Variants in ZSWIM6 observed in about 807,000 individuals in gnomAD.
The protein encoded by ZSWIM6 is zinc finger SWIM domain-containing protein 6.
ZSWIM6 carries 9 observed loss-of-function variants against 113.2 expected under a neutral mutation model. That is an observed-to-expected ratio of 0.08 (90% CI 0.05 to 0.14). The LOEUF (loss-of-function observed/expected upper bound fraction) is 0.14, where lower values mean the gene tolerates loss of function less well. ZSWIM6 is among the 10% of genes least tolerant of loss of function. The pLI, the probability that ZSWIM6 is intolerant of heterozygous loss-of-function variation, is 1.00. For missense variants in ZSWIM6, 1,162 were observed against 1,552.2 expected, an observed-to-expected ratio of 0.75 and a Z score of 4.22; for synonymous variants, 611 against 606.5, an observed-to-expected ratio of 1.01 and a Z score of -0.11.
chr5:61,345,761 GC>G (rs1419309301), intron 1 of ZSWIM6, among the ~76,000 whole-genome samples: 1 of 152,062 alleles, frequency 6.6e-6, no homozygotes, highest in Non-Finnish European at 1.5e-5. Flanking sequence ...AAACTAATTG[GC>G]CCAAATAACT....
Position 61,530,260 on chromosome 5 carries a change from C to A in ZSWIM6, c.1984+62C>A, listed in dbSNP as rs1032009845. ...TTTCTAAACCCTGAATGGCAGTAGT[C>A]ATTGTTTTTCTTTACATTATGTTTT... On this transcript the variant is annotated intron_variant, in intron 8 of 13. Transcript: ENST00000252744. 4 of 1,442,796 alleles carry A rather than the reference C, an allele frequency of 2.8e-6. No homozygotes were observed. The African/African-American group carries it at 4.3e-5, about 15-fold the overall frequency. The allele number at this position is 1,442,796 out of a possible 1,614,324, so 89.4% of individuals were successfully genotyped here.
chr5:61,536,544 C>T (rs1467605326), intron 10 of ZSWIM6, among the ~76,000 whole-genome samples: 14 of 152,216 alleles, frequency 9.2e-5, no homozygotes, highest in Admixed American at 6.5e-4. Flanking sequence ...ACAGTTTGAT[C>T]TCAAGAAGCT....
intron 7 of ZSWIM6, 59 bp from the exon 8 acceptor site, chr5:61,529,993 C>G: frequency 7.0e-7 from 1 of 1,425,040 alleles, no homozygotes; most frequent in Non-Finnish European, 9.4e-7. Context: ...GTTTTCCCCA[C>G]TTCTTTCCCT....
At chr5:61,501,013 C>T (rs1748451338) in intron 4 of ZSWIM6, among the ~76,000 whole-genome samples, 1 of 152,158 alleles carries the variant, frequency 6.6e-6, no homozygotes, top group Non-Finnish European at 1.5e-5. Flanking sequence ...GTTTCTGCTT[C>T]TCTCTGCCTT....
In ZSWIM6 at chr5:61,544,876, G is replaced by A. The variant is rs915075569; in HGVS notation, c.*559G>A. On this transcript the variant is annotated 3_prime_UTR_variant, in exon 14 of 14. Transcript: ENST00000252744. ...CAGAAGCATGGCACACGATGCTTGT[G>A]CATGTGGAAACTTAGCGACTGTCAA... is the stretch of plus-strand genomic sequence containing the variant. The A allele has an allele frequency of 5.9e-5, 9 of 152,076 alleles. No individual in the cohort carries two copies. The highest frequency in any genetic ancestry group is 1.9e-4 in the African/African-American group (8 of 41,400). The allele number at this position is 152,076 out of a possible 1,614,324, so 9.4% of individuals were successfully genotyped here.
intron 1 of ZSWIM6, among the ~76,000 whole-genome samples, chr5:61,389,534 G>A (rs912920655): frequency 8.3e-6 from 1 of 120,302 alleles, no homozygotes; most frequent in African/African-American, 3.3e-5. Context: ...GAGCCCAGGC[G>A]ACAGTGCAAG....
At chr5:61,467,513 G>C (rs1205663665) in intron 1 of ZSWIM6, among the ~76,000 whole-genome samples, 2 of 152,204 alleles carry the variant, frequency 1.3e-5, no homozygotes, top group African/African-American at 4.8e-5. Context: ...GATTTTAAAG[G>C]GTTAATAATG....
At position 61,419,778 on chromosome 5, in the gene ZSWIM6, T is replaced by C. The variant is rs182446528; in HGVS notation, c.677-52903T>C. On this transcript the variant is annotated intron_variant, in intron 1 of 13. Coordinates refer to ENST00000252744, the MANE Select transcript of ZSWIM6 (RefSeq NM_020928.2). ...CTGAGGGATGTGCCCTTCAGGACAA[T>C]GGTAGTTTGTGGCCCTTGCCTTCTG... Among the ~76,000 whole-genome samples, 354 of 152,294 alleles carry C rather than the reference T, an allele frequency of 2.3e-3. 2 individuals are homozygous for C. Among genetic ancestry groups the C allele is most frequent in the African/African-American group, 6.5e-3 (271 of 41,562 alleles).
At chr5:61,498,314 T>A (rs535126337) in intron 4 of ZSWIM6, among the ~76,000 whole-genome samples, 4 of 152,326 alleles carry the variant, frequency 2.6e-5, no homozygotes, top group Non-Finnish European at 5.9e-5. Flanking sequence ...ATATAAATCC[T>A]GTTTCTTAGG....
intron 2 of ZSWIM6, among the ~76,000 whole-genome samples, chr5:61,488,878 G>T (rs1748101329): frequency 1.3e-5 from 2 of 151,696 alleles, no homozygotes; most frequent in Non-Finnish European, 2.9e-5. Context: ...ATATTTCATG[G>T]TAGGAATGTT....
chr5:61,490,305 A>G (rs931726749), intron 2 of ZSWIM6, among the ~76,000 whole-genome samples: 2 of 152,116 alleles, frequency 1.3e-5, no homozygotes, highest in Non-Finnish European at 2.9e-5. Context: ...GTTTTCTGCA[A>G]CTAAAGACTT....
chr5:61,478,741 A>G (rs1473073612), intron 2 of ZSWIM6, among the ~76,000 whole-genome samples: 2 of 151,900 alleles, frequency 1.3e-5, no homozygotes, highest in Non-Finnish European at 2.9e-5. Context: ...ATTTGTATAG[A>G]TATAACAGAT....
chr5:61,401,725 A>G (rs1745941397), intron 1 of ZSWIM6, among the ~76,000 whole-genome samples: 2 of 152,210 alleles, frequency 1.3e-5, no homozygotes, highest in Admixed American at 1.3e-4. Context: ...GCATTATTGT[A>G]TTTTGTAACT....
chr5:61,431,899 T>G (rs1280567106), intron 1 of ZSWIM6, among the ~76,000 whole-genome samples: 1 of 152,224 alleles, frequency 6.6e-6, no homozygotes, highest in African/African-American at 2.4e-5. Context: ...TCGGGTTTTC[T>G]TTTTTCTGTT....
At chr5:61,352,152 C>A (rs1744799112) in intron 1 of ZSWIM6, among the ~76,000 whole-genome samples, 2 of 152,162 alleles carry the variant, frequency 1.3e-5, no homozygotes, top group Non-Finnish European at 2.9e-5. Context: ...TGCCTATGTT[C>A]TTTTTTCTGT....
intron 4 of ZSWIM6, among the ~76,000 whole-genome samples, chr5:61,516,535 TTATATATA>T (rs70977852): frequency 6.9e-6 from 1 of 145,186 alleles, no homozygotes; most frequent in Admixed American, 6.9e-5. Flanking sequence ...TATATATATC[TTATATATA>T]TATATAGTTT....
intron 3 of ZSWIM6, 136 bp from the exon 4 acceptor site, chr5:61,494,124 A>C (rs908482340): frequency 4.1e-5 from 17 of 416,996 alleles, no homozygotes; most frequent in African/African-American, 2.5e-4. Flanking sequence ...ATCCTCCACC[A>C]CACACACACA....
chr5:61,491,497 G>A (rs561472631), intron 3 of ZSWIM6, among the ~76,000 whole-genome samples: 2 of 152,100 alleles, frequency 1.3e-5, no homozygotes, highest in East Asian at 3.9e-4. Flanking sequence ...AAACTGTTGT[G>A]ATAATGGTGT....
chr5:61,391,670 T>C, intron 1 of ZSWIM6: 2 of 1,029,764 alleles, frequency 1.9e-6, no homozygotes, highest in Non-Finnish European at 3.1e-6. Flanking sequence ...TCCTTCTTGT[T>C]CACCTTGGAT....
Sources: gnomAD v4.1 joint callset for allele counts (sites outside exome capture counted in the v4.1 genomes callset) on GRCh38, gnomAD v4.1.1 for gene constraint, MANE v1.5 for transcripts, NCBI Gene and HGNC (gene_info 2026-07-23, HGNC 2026-07-21) for gene names.